Variants in RBFOX1 observed in about 807,000 individuals in gnomAD.
RBFOX1 encodes RNA binding protein fox-1 homolog 1.
A neutral mutation model predicts 57.7 loss-of-function variants in RBFOX1; 8 were observed. The observed-to-expected ratio is 0.14, with a 90% CI of 0.08 to 0.25. The LOEUF is 0.25. Ranked by LOEUF, RBFOX1 falls within the 10% of genes least tolerant of loss-of-function variation. The probability of loss-of-function intolerance (pLI) is 1.00; values close to 1 mark genes in which losing one functional copy is unlikely to be tolerated. For synonymous variants in RBFOX1, 326 were observed against 222.4 expected, an observed-to-expected ratio of 1.47 and a Z score of -4.15; for missense variants, 611 against 548.5, an observed-to-expected ratio of 1.11 and a Z score of -1.14.
intron 3 of RBFOX1, among the ~76,000 whole-genome samples, chr16:5,821,296 A>T (rs9788795): frequency 0.67 from 85,739 of 128,674 alleles, 27,758 homozygotes; most frequent in East Asian, 0.71. Flanking sequence ...CTCTTTTTTT[A>T]TTTTTTTTTT....
chr16:5,460,257 C>A lies in RBFOX1; in HGVS notation c.220-6959C>A, dbSNP rs114440395. On this transcript the variant is annotated intron_variant, in intron 1 of 2. Coordinates refer to the RBFOX1 transcript ENST00000585867. Reference sequence around the variant, plus strand: ...AATCCCAGCCCACTGACTTTTGCAACCCTCAGACCTTTACTTCTCTGTTTT... The same window carrying A: ...AATCCCAGCCCACTGACTTTTGCAAACCTCAGACCTTTACTTCTCTGTTTT... 3.1e-3 allele frequency among the ~76,000 whole-genome samples: 473 copies of A among 152,294 alleles called. 5 individuals carry two copies. Among genetic ancestry groups the A allele is most frequent in the African/African-American group, 0.011 (444 of 41,562 alleles).
At chr16:6,448,156 C>CTTTCTTTTTTTTTTTTTTTTTTTTTTT (rs2094523593) in intron 2 of RBFOX1, among the ~76,000 whole-genome samples, 4 of 78,462 alleles carry the variant, frequency 5.1e-5, no homozygotes, top group African/African-American at 2.2e-4. Flanking sequence ...TCTTTTCTTT[C>CTTTCTTTTTTTTTTTTTTTTTTTTTTT]TTTTTTTTTT....
chr16:6,307,936 T>C (rs1213628417), intron 1 of RBFOX1, among the ~76,000 whole-genome samples: 1 of 148,142 alleles, frequency 6.8e-6, no homozygotes, highest in East Asian at 2.0e-4. Flanking sequence ...TAATCATATA[T>C]TCATTTAGGT....
chr16:6,795,235 C>T (rs753253549), intron 3 of RBFOX1, among the ~76,000 whole-genome samples: 18 of 152,004 alleles, frequency 1.2e-4, no homozygotes, highest in Non-Finnish European at 2.4e-4. Context: ...GTCCACAAAC[C>T]ACCTAAATTT....
chr16:7,374,064 G>C (rs544086347), intron 4 of RBFOX1, among the ~76,000 whole-genome samples: 26 of 152,202 alleles, frequency 1.7e-4, no homozygotes, highest in Admixed American at 1.7e-3. Flanking sequence ...TGGAGAGGCA[G>C]ATAGACCCAG....
intron 4 of RBFOX1, among the ~76,000 whole-genome samples, chr16:7,394,878 C>A (rs1281970955): frequency 1.3e-5 from 2 of 152,186 alleles, no homozygotes; most frequent in African/African-American, 4.8e-5. Context: ...CTCTTCCCAC[C>A]CTCCTTGCCG....
chr16:7,293,346 T>C (rs1259814441), intron 4 of RBFOX1, among the ~76,000 whole-genome samples: 2 of 152,192 alleles, frequency 1.3e-5, no homozygotes, highest in Non-Finnish European at 2.9e-5. Flanking sequence ...TACACATCTG[T>C]AGATTTTGGT....
chr16:5,807,316 C>A (rs999072092), intron 3 of RBFOX1, among the ~76,000 whole-genome samples: 1 of 152,134 alleles, frequency 6.6e-6, no homozygotes, highest in Non-Finnish European at 1.5e-5. Context: ...ACCACCTGAG[C>A]ACCTCTCTTA....
At chr16:7,351,843 G>T (rs1274501794) in intron 4 of RBFOX1, among the ~76,000 whole-genome samples, 1 of 152,100 alleles carries the variant, frequency 6.6e-6, no homozygotes, top group Non-Finnish European at 1.5e-5. Flanking sequence ...TCAATCTTCA[G>T]GCCCAGGCAG....
intron 2 of RBFOX1, among the ~76,000 whole-genome samples, chr16:6,504,344 C>T (rs1432859240): frequency 1.3e-5 from 2 of 152,222 alleles, no homozygotes; most frequent in Admixed American, 1.3e-4. Context: ...TGCCCTTCAC[C>T]ATCAGACAGT....
intron 3 of RBFOX1, among the ~76,000 whole-genome samples, chr16:6,946,761 C>A (rs904166330): frequency 1.3e-5 from 2 of 151,968 alleles, no homozygotes; most frequent in Non-Finnish European, 2.9e-5. Context: ...CTCCACTCTG[C>A]CCAACTAATT....
chr16:6,379,041 A>G (rs984202771), intron 2 of RBFOX1, among the ~76,000 whole-genome samples: 14 of 152,078 alleles, frequency 9.2e-5, no homozygotes, highest in African/African-American at 3.4e-4. Context: ...CGGTGTTGGG[A>G]TTGTGTGTTA....
chr16:6,850,222 C>T (rs1007451173), intron 3 of RBFOX1, among the ~76,000 whole-genome samples: 2 of 152,122 alleles, frequency 1.3e-5, no homozygotes, highest in Non-Finnish European at 2.9e-5. Flanking sequence ...AGAAATGATT[C>T]CTCTTTTGGG....
chr16:6,629,356 G>A (rs539212001), intron 2 of RBFOX1, among the ~76,000 whole-genome samples: 7 of 152,174 alleles, frequency 4.6e-5, no homozygotes, highest in South Asian at 2.1e-4. Context: ...AGTGTTGCTC[G>A]TTTAATTGAG....
chr16:5,334,408 T>C (rs1022573673), intron 1 of RBFOX1, among the ~76,000 whole-genome samples: 1 of 152,170 alleles, frequency 6.6e-6, no homozygotes, highest in African/African-American at 2.4e-5. Flanking sequence ...AAGATGGCTA[T>C]GTTCCTGCTC....
rs150807135 is a variant in RBFOX1 at position 7,082,379 on chromosome 16, G to C, written c.27+30281G>C. ...GTGGATCATTTGAGGCCAGGAGTTTGAGACCAGCTTGGGAAACATGGCACA... is the reference window on the plus strand; with the variant it reads ...GTGGATCATTTGAGGCCAGGAGTTTCAGACCAGCTTGGGAAACATGGCACA... On this transcript the variant is annotated intron_variant, in intron 4 of 15. Transcript: ENST00000550418. Among the ~76,000 whole-genome samples the C allele has an allele frequency of 4.6e-3, 692 of 152,042 alleles. 5 individuals are homozygous for C. Among genetic ancestry groups the C allele is most frequent in the African/African-American group, 0.015 (634 of 41,476 alleles).
At chr16:6,100,827 C>T (rs2096297526) in intron 1 of RBFOX1, among the ~76,000 whole-genome samples, 1 of 152,098 alleles carries the variant, frequency 6.6e-6, no homozygotes, top group African/African-American at 2.4e-5. Flanking sequence ...AACACCAAAG[C>T]CTGTACTGTT....
chr16:5,331,856 C>T (rs1263076644), intron 1 of RBFOX1, among the ~76,000 whole-genome samples: 1 of 152,228 alleles, frequency 6.6e-6, no homozygotes, highest in Non-Finnish European at 1.5e-5. Flanking sequence ...ACCCTGGGCA[C>T]CAACCCCTGT....
intron 2 of RBFOX1, among the ~76,000 whole-genome samples, chr16:6,372,456 T>A (rs760051444): frequency 2.0e-4 from 30 of 151,032 alleles, no homozygotes; most frequent in Non-Finnish European, 2.9e-5. Context: ...TTGGTTAGGA[T>A]CTTTGGGTAG....
Sources: gnomAD v4.1 joint callset for allele counts (sites outside exome capture counted in the v4.1 genomes callset) on GRCh38, gnomAD v4.1.1 for gene constraint, MANE v1.5 for transcripts, NCBI Gene and HGNC (gene_info 2026-07-23, HGNC 2026-07-21) for gene names.